The following ATR variants were observed in gnomAD, a reference collection of about 807,000 sequenced individuals.
ATR encodes the protein serine/threonine-protein kinase ATR.
ATR carries 142 observed loss-of-function variants against 305.3 expected under a neutral mutation model. The observed-to-expected ratio is 0.47, with a 90% CI of 0.41 to 0.53. The LOEUF (loss-of-function observed/expected upper bound fraction) is 0.53, where lower values mean the gene tolerates loss of function less well. Ranked by LOEUF, ATR falls within the 20% of genes least tolerant of loss-of-function variation. The pLI, the probability that ATR is intolerant of heterozygous loss-of-function variation, is 0.00. For synonymous variants in ATR, 1,050 were observed against 1,068.1 expected (o/e 0.98, Z 0.33); for missense variants, 2,135 against 3,133.1 (o/e 0.68, Z 7.60).
intron 24 of ATR, among the ~76,000 whole-genome samples, chr3:142,518,741 T>C (rs1455885201): frequency 2.6e-5 from 4 of 152,202 alleles, no homozygotes; most frequent in African/African-American, 9.6e-5. Context: ...AAGTTATTTG[T>C]CCAAAGTCAA....
chr3:142,568,314 C>T (rs1226165408), intron 1 of ATR, among the ~76,000 whole-genome samples, 160 bp from the exon 2 acceptor site: 1 of 152,044 alleles, frequency 6.6e-6, no homozygotes, highest in Non-Finnish European at 1.5e-5. Flanking sequence ...GAATATGTTA[C>T]CAACTTACAA....
chr3:142,489,610 CATT>C (rs1318291194), intron 35 of ATR, among the ~76,000 whole-genome samples: 3 of 152,140 alleles, frequency 2.0e-5, no homozygotes, highest in Non-Finnish European at 4.4e-5. Flanking sequence ...ATATCTATGA[CATT>C]AATCTACCTT....
intron 25 of ATR, 55 bp from the exon 26 acceptor site, chr3:142,513,693 C>T (rs1477546982): frequency 1.3e-6 from 2 of 1,530,636 alleles, no homozygotes; most frequent in Non-Finnish European, 1.8e-6. Context: ...GATTAAATGT[C>T]AAAGAGTAGC....
intron 27 of ATR, among the ~76,000 whole-genome samples, chr3:142,511,665 T>A (rs778648349): frequency 1.6e-4 from 24 of 149,702 alleles, no homozygotes; most frequent in Middle Eastern, 3.3e-3. Context: ...CAAAAAAAAA[T>A]TAATAAATAA....
chr3:142,562,405 C>T lies in ATR; in HGVS notation c.997G>A (p.Val333Met), dbSNP rs1320148122. 6.2e-7 allele frequency: 1 copy of T among 1,614,126 alleles called. No homozygotes were observed. The highest frequency in any genetic ancestry group is 8.5e-7 in the Non-Finnish European group (1 of 1,180,002). Residue 333 changes from valine to methionine, a missense_variant, in exon 4 of 47, where the codon GTG becomes ATG. Physicochemically the swap from Val to Met is conservative, Grantham distance 21 (BLOSUM62 1). This residue lies in a region of ATR where 744 missense variants were observed against 873.2 expected (regional missense o/e 0.85). Transcript: ENST00000350721. ...AAATCAGACTTAAGCCGCATGAGCA[C>T]ACCGTCTTCAAACATGACACAGAGT... ...EKLCVMFEDG[V>M]LMRLKSDLLK...
intron 34 of ATR, among the ~76,000 whole-genome samples, chr3:142,493,946 A>ATTGGTGGGAGGG (rs1170619719): frequency 7.3e-5 from 11 of 150,808 alleles, no homozygotes; most frequent in African/African-American, 2.4e-4. Flanking sequence ...AGGTGGGAGG[A>ATTGGTGGGAGGG]TTGCTTGAGA....
chr3:142,529,933 C>A (rs979750851), intron 21 of ATR, among the ~76,000 whole-genome samples: 8 of 152,054 alleles, frequency 5.3e-5, no homozygotes, highest in African/African-American at 1.9e-4. Flanking sequence ...GGATACAAGT[C>A]TTTTCAATAT....
At chr3:142,557,740 C>T (rs1013230631) in intron 8 of ATR, among the ~76,000 whole-genome samples, 1 of 152,162 alleles carries the variant, frequency 6.6e-6, no homozygotes, top group African/African-American at 2.4e-5. Context: ...TCAAGAGATT[C>T]TTGTATCTCA....
At chr3:142,504,692 G>A (rs1047919046) in intron 29 of ATR, among the ~76,000 whole-genome samples, 3 of 152,098 alleles carry the variant, frequency 2.0e-5, no homozygotes, top group Non-Finnish European at 4.4e-5. Context: ...TCGAACTCCT[G>A]ACCTCGGGGA....
At chr3:142,543,402 T>G (rs1415531355) in intron 16 of ATR, among the ~76,000 whole-genome samples, 3 of 147,778 alleles carry the variant, frequency 2.0e-5, no homozygotes, top group Non-Finnish European at 4.5e-5. Context: ...GTCCATCCCT[T>G]CTTCCTCCCT....
intron 17 of ATR, among the ~76,000 whole-genome samples, chr3:142,542,031 G>A (rs1395577851): frequency 6.6e-6 from 1 of 152,048 alleles, no homozygotes; most frequent in Non-Finnish European, 1.5e-5. Context: ...CAATTTATAG[G>A]ACGAAAATTT....
chr3:142,490,030 A>C (rs1310445693), intron 35 of ATR, among the ~76,000 whole-genome samples: 2 of 152,080 alleles, frequency 1.3e-5, no homozygotes, highest in African/African-American at 2.4e-5. Context: ...ATTCTTTATG[A>C]AGTGTCTATC....
intron 14 of ATR, 141 bp downstream of exon 14, chr3:142,549,991 C>T: frequency 8.8e-7 from 1 of 1,132,004 alleles, no homozygotes; most frequent in Non-Finnish European, 1.3e-6. Context: ...GGACAGCTAA[C>T]CATAAAGAAC....
At position 142,449,399 on chromosome 3, in the gene ATR, T is replaced by A. The variant is rs1368157140; in HGVS notation, c.*30A>T. 4.5e-6 allele frequency: 7 copies of A among 1,565,968 alleles called. No individual in the cohort carries two copies. Among genetic ancestry groups the A allele is most frequent in the Non-Finnish European group, 6.2e-6 (7 of 1,136,516 alleles). ...CATACCAAATGCATTACTTTTAGATTATTAACATATTCTTTTACATAATTT... is the reference window on the plus strand; with the variant it reads ...CATACCAAATGCATTACTTTTAGATAATTAACATATTCTTTTACATAATTT... On this transcript the variant is annotated 3_prime_UTR_variant, in exon 47 of 47. Transcript: ENST00000350721.
chr3:142,486,332 G>A (rs570822672), intron 35 of ATR, among the ~76,000 whole-genome samples: 12 of 152,202 alleles, frequency 7.9e-5, no homozygotes, highest in African/African-American at 1.9e-4. Flanking sequence ...ATGATTAGAC[G>A]TGTGGCACAT....
At chr3:142,564,945 T>A (rs965481425) in intron 3 of ATR, among the ~76,000 whole-genome samples, 6 of 152,060 alleles carry the variant, frequency 3.9e-5, no homozygotes, top group African/African-American at 1.2e-4. Flanking sequence ...TTTGGTTTGG[T>A]TTGGTTTGGT....
At chr3:142,450,761 A>G (rs2070769478) in intron 46 of ATR, 3 of 1,502,582 alleles carry the variant, frequency 2.0e-6, no homozygotes, top group Admixed American at 4.0e-5. Context: ...CAGCACCCTA[A>G]TATCATTCGT....
intron 27 of ATR, among the ~76,000 whole-genome samples, chr3:142,508,618 A>G (rs1040297289): frequency 2.6e-5 from 4 of 152,172 alleles, no homozygotes; most frequent in African/African-American, 9.6e-5. Context: ...AGTATCACCT[A>G]TTACAATAGA....
chr3:142,483,835 A>G (rs549100651), intron 36 of ATR, among the ~76,000 whole-genome samples: 1 of 151,526 alleles, frequency 6.6e-6, no homozygotes, highest in African/African-American at 2.4e-5. Flanking sequence ...TCTGTCTTAA[A>G]ATAAATAAAA....
Sources: gnomAD v4.1 joint callset for allele counts (sites outside exome capture counted in the v4.1 genomes callset) on GRCh38, gnomAD v4.1.1 for gene constraint, gnomAD v4.1.1 regional missense constraint, MANE v1.5 for transcripts, NCBI Gene and HGNC (gene_info 2026-07-23, HGNC 2026-07-21) for gene names.